The following FMN1 variants were observed in gnomAD, a reference collection of about 807,000 sequenced individuals.
The protein encoded by FMN1 is formin 1.
In FMN1, 110 loss-of-function variants were observed where a neutral mutation model predicts 132.4. The ratio of observed to expected loss-of-function variants is 0.83; its 90% CI spans 0.71 to 0.97. The LOEUF is 0.97. Ranked by LOEUF, FMN1 falls within the 50% of genes least tolerant of loss-of-function variation. FMN1 has a pLI of 0.00. For synonymous variants in FMN1, 722 were observed against 651.7 expected, an observed-to-expected ratio of 1.11 and a Z score of -1.64; for missense variants, 1,792 against 1,705.3, an observed-to-expected ratio of 1.05 and a Z score of -0.90.
At chr15:33,003,374 G>A (rs912967309) in intron 7 of FMN1, among the ~76,000 whole-genome samples, 3 of 152,124 alleles carry the variant, frequency 2.0e-5, no homozygotes, top group South Asian at 2.1e-4. Context: ...AAATCAATGT[G>A]CAAAAATCAC....
At chr15:33,016,750 T>C (rs1388738343) in intron 6 of FMN1, among the ~76,000 whole-genome samples, 2 of 152,232 alleles carry the variant, frequency 1.3e-5, no homozygotes, top group African/African-American at 4.8e-5. Flanking sequence ...TGACAGTTTT[T>C]AAGCCTCACC....
intron 3 of FMN1, among the ~76,000 whole-genome samples, chr15:33,158,062 A>G (rs1392463593): frequency 6.6e-6 from 1 of 152,100 alleles, no homozygotes. Context: ...AACATGTCTG[A>G]TCAGGTAAAG....
At chr15:32,825,484 C>G (rs1427390997) in intron 17 of FMN1, among the ~76,000 whole-genome samples, 2 of 152,186 alleles carry the variant, frequency 1.3e-5, no homozygotes. Flanking sequence ...GGCTCCTTCC[C>G]AGACTTAAAT....
At chr15:33,130,108 A>C (rs2140223713) in intron 4 of FMN1, among the ~76,000 whole-genome samples, 1 of 152,336 alleles carries the variant, frequency 6.6e-6, no homozygotes, top group South Asian at 2.1e-4. Flanking sequence ...CTGGGATTAT[A>C]GGCATGAGCC....
chr15:32,777,244 TC>T (rs2056448506), intron 19 of FMN1, among the ~76,000 whole-genome samples: 5 of 152,128 alleles, frequency 3.3e-5, no homozygotes, highest in Admixed American at 1.3e-4. Context: ...CGGCTTGTGA[TC>T]CACTTAGCAG....
chr15:32,819,220 T>TC (rs58491772), intron 17 of FMN1, among the ~76,000 whole-genome samples: 1 of 151,842 alleles, frequency 6.6e-6, no homozygotes, highest in Non-Finnish European at 1.5e-5. Context: ...GCAACCCCCT[T>TC]CCCCCCAACC....
intron 16 of FMN1, among the ~76,000 whole-genome samples, chr15:32,882,014 GAC>G (rs1352626177): frequency 6.6e-6 from 1 of 152,202 alleles, no homozygotes; most frequent in Non-Finnish European, 1.5e-5. Flanking sequence ...ATGTCAGAGA[GAC>G]AGAGAGGGAG....
rs1595925768 is a variant in FMN1 at position 32,793,814 on chromosome 15, T to A, written c.4130+4990A>T. 2.0e-5 allele frequency among the ~76,000 whole-genome samples: 3 copies of A among 152,310 alleles called. No homozygotes were observed. The South Asian group carries it at 6.2e-4, about 32-fold the overall frequency. On this transcript the variant is annotated intron_variant, in intron 19 of 20. Coordinates refer to ENST00000616417, the MANE Select transcript of FMN1 (RefSeq NM_001277313.2). ...CAGGGCAAGGAAAAGAAAGTTAACA[T>A]GTTACAAGTTACTGAAATTATCATG...
At chr15:33,115,500 C>A (rs78259955) in intron 4 of FMN1, among the ~76,000 whole-genome samples, 81,085 of 147,764 alleles carry the variant, frequency 0.55, 22,443 homozygotes, top group East Asian at 0.77. Context: ...AGCCCCCCCC[C>A]CCCACACACA....
At chr15:32,989,125 T>C (rs1321547286) in intron 7 of FMN1, among the ~76,000 whole-genome samples, 3 of 133,700 alleles carry the variant, frequency 2.2e-5, no homozygotes, top group African/African-American at 8.0e-5. Context: ...TTGGTTTACA[T>C]CCAGTTTCCA....
intron 17 of FMN1, among the ~76,000 whole-genome samples, chr15:32,828,135 A>G (rs144086310): frequency 6.3e-4 from 96 of 152,066 alleles, no homozygotes; most frequent in African/African-American, 2.2e-3. Context: ...ATTAGCCGGC[A>G]TGGTAGCAGG....
intron 7 of FMN1, among the ~76,000 whole-genome samples, chr15:33,003,343 T>C (rs2034223498): frequency 6.6e-6 from 1 of 152,170 alleles, no homozygotes; most frequent in African/African-American, 2.4e-5. Flanking sequence ...ATAAGCAACT[T>C]CAGCAAAGTC....
At chr15:32,911,290 G>A (rs1390999494) in intron 10 of FMN1, among the ~76,000 whole-genome samples, 1 of 152,158 alleles carries the variant, frequency 6.6e-6, no homozygotes, top group African/African-American at 2.4e-5. Flanking sequence ...TTTGAAATAA[G>A]CAGGTCCACA....
intron 3 of FMN1, among the ~76,000 whole-genome samples, chr15:33,178,883 A>G (rs1965604885): frequency 6.6e-6 from 1 of 152,188 alleles, no homozygotes; most frequent in African/African-American, 2.4e-5. Flanking sequence ...AGCCTCTCTA[A>G]AGGGAAGACT....
intron 4 of FMN1, among the ~76,000 whole-genome samples, chr15:33,098,165 G>T (rs1032514415): frequency 4.6e-5 from 7 of 152,154 alleles, no homozygotes; most frequent in Non-Finnish European, 8.8e-5. Flanking sequence ...GGTCAAAGAA[G>T]AATCACAAAG....
chr15:32,994,232 T>TCTCACACACACACA (rs904998781), intron 7 of FMN1, among the ~76,000 whole-genome samples: 43 of 37,266 alleles, frequency 1.2e-3, no homozygotes, highest in African/African-American at 2.2e-3. Flanking sequence ...TCTCTCTCTC[T>TCTCACACACACACA]CACACACACA....
intron 4 of FMN1, among the ~76,000 whole-genome samples, chr15:33,132,944 A>G (rs577780461): frequency 3.3e-4 from 50 of 152,290 alleles, no homozygotes; most frequent in African/African-American, 1.2e-3. Context: ...ATGAAGAAAC[A>G]TACATGCCTG....
At chr15:33,037,164 T>C (rs1245537203) in intron 6 of FMN1, among the ~76,000 whole-genome samples, 1 of 152,238 alleles carries the variant, frequency 6.6e-6, no homozygotes, top group Non-Finnish European at 1.5e-5. Context: ...AGTTCTTTCT[T>C]GCTGACTCAG....
chr15:33,167,435 G>A (rs1965153058), intron 3 of FMN1, among the ~76,000 whole-genome samples: 1 of 152,082 alleles, frequency 6.6e-6, no homozygotes, highest in African/African-American at 2.4e-5. Context: ...CCCAGCCTGG[G>A]GTATGTATTT....
Sources: allele counts gnomAD v4.1 joint callset (sites outside exome capture counted in the v4.1 genomes callset), GRCh38; gene constraint gnomAD v4.1.1; transcripts MANE v1.5; gene names NCBI Gene and HGNC (gene_info 2026-07-23, HGNC 2026-07-21).